EPHA5: variants seen among roughly 807,000 people sequenced by gnomAD.
EPHA5 encodes EPH receptor A5.
EPHA5 carries 60 observed loss-of-function variants against 105.0 expected under a neutral mutation model. That is an observed-to-expected ratio of 0.57 (90% CI 0.46 to 0.71). The LOEUF is 0.71. Among genes scored for constraint, EPHA5 ranks in the 30% least tolerant of loss-of-function variants. The pLI is 0.00. For missense variants in EPHA5, 1,218 were observed against 1,274.7 expected (o/e 0.96, Z 0.68); for synonymous variants, 513 against 449.1 (o/e 1.14, Z -1.80).
At chr4:65,340,523 C>G (rs1252343737) in intron 14 of EPHA5, among the ~76,000 whole-genome samples, 1 of 152,032 alleles carries the variant, frequency 6.6e-6, no homozygotes, top group Non-Finnish European at 1.5e-5. Flanking sequence ...GGAATTAGAT[C>G]AGACCACCAG....
chr4:65,535,391 C>G (rs1736194252), intron 3 of EPHA5, among the ~76,000 whole-genome samples: 1 of 152,044 alleles, frequency 6.6e-6, no homozygotes, highest in Non-Finnish European at 1.5e-5. Flanking sequence ...GGGTGACTGC[C>G]CGCACGTAGT....
At chr4:65,637,981 T>C (rs1313060650) in intron 2 of EPHA5, among the ~76,000 whole-genome samples, 1 of 152,070 alleles carries the variant, frequency 6.6e-6, no homozygotes, top group Non-Finnish European at 1.5e-5. Flanking sequence ...GTATGGTACA[T>C]GTATCTGATT....
chr4:65,394,916 C>G (rs756216179), intron 8 of EPHA5, among the ~76,000 whole-genome samples: 9 of 151,974 alleles, frequency 5.9e-5, no homozygotes, highest in Admixed American at 1.3e-4. Flanking sequence ...TAGCACCTAC[C>G]CTTCATGAAT....
At chr4:65,412,501 T>A (rs995527389) in intron 7 of EPHA5, among the ~76,000 whole-genome samples, 1 of 152,160 alleles carries the variant, frequency 6.6e-6, no homozygotes, top group Non-Finnish European at 1.5e-5. Flanking sequence ...ATACATTCAT[T>A]CTTTAAAAAG....
chr4:65,366,858 T>C (rs949044037), intron 9 of EPHA5, among the ~76,000 whole-genome samples: 2 of 151,926 alleles, frequency 1.3e-5, no homozygotes, highest in African/African-American at 4.8e-5. Flanking sequence ...AATTCTTTAT[T>C]AAAACATGAT....
intron 2 of EPHA5, among the ~76,000 whole-genome samples, chr4:65,615,303 C>T (rs1560776336): frequency 6.6e-6 from 1 of 151,648 alleles, no homozygotes; most frequent in Non-Finnish European, 1.5e-5. Flanking sequence ...ATACAAAATG[C>T]CTGCTGAAAC....
At chr4:65,411,624 C>T (rs17086208) in intron 7 of EPHA5, among the ~76,000 whole-genome samples, 5,400 of 151,616 alleles carry the variant, frequency 0.036, 325 homozygotes, top group African/African-American at 0.12. Flanking sequence ...GATAGCTTAA[C>T]GAGGAAAAAT....
chr4:65,631,060 AC>A (rs1291578782), intron 2 of EPHA5, among the ~76,000 whole-genome samples: 2 of 152,114 alleles, frequency 1.3e-5, no homozygotes, highest in African/African-American at 4.8e-5. Context: ...CCATCATTGT[AC>A]CCCTGCTCTT....
At chr4:65,499,168 T>G (rs771309817) in intron 3 of EPHA5, among the ~76,000 whole-genome samples, 1 of 151,686 alleles carries the variant, frequency 6.6e-6, no homozygotes, top group Non-Finnish European at 1.5e-5. Flanking sequence ...GGAAACTTTC[T>G]CATTTTCCTA....
chr4:65,396,858 G>T (rs1230368574), intron 8 of EPHA5, among the ~76,000 whole-genome samples: 1 of 152,144 alleles, frequency 6.6e-6, no homozygotes, highest in Admixed American at 6.5e-5. Context: ...GCACCAGATA[G>T]TACTTTAGAG....
intron 2 of EPHA5, among the ~76,000 whole-genome samples, chr4:65,622,928 T>C (rs992694614): frequency 6.6e-6 from 1 of 152,092 alleles, no homozygotes; most frequent in Non-Finnish European, 1.5e-5. Flanking sequence ...ATAAAGAGAC[T>C]CAGCAAGGCT....
chr4:65,367,316 C>G (rs770539581), intron 9 of EPHA5, 41 bp downstream of exon 9: 1 of 1,460,706 alleles, frequency 6.8e-7, no homozygotes, highest in Non-Finnish European at 9.5e-7. Context: ...AATAAAGTGT[C>G]CCCTATTTTA....
intron 5 of EPHA5, among the ~76,000 whole-genome samples, chr4:65,459,897 AAT>A (rs1271166982): frequency 6.6e-6 from 1 of 151,824 alleles, no homozygotes; most frequent in Non-Finnish European, 1.5e-5. Context: ...TTGATTATAA[AAT>A]ATTCAGTTAT....
At chr4:65,471,760 C>A (rs143573074) in intron 5 of EPHA5, among the ~76,000 whole-genome samples, 2 of 152,078 alleles carry the variant, frequency 1.3e-5, no homozygotes, top group East Asian at 1.9e-4. Flanking sequence ...GAGGAAACTG[C>A]CCCCATGATC....
intron 5 of EPHA5, among the ~76,000 whole-genome samples, chr4:65,444,858 T>C (rs888524024): frequency 6.6e-6 from 1 of 152,076 alleles, no homozygotes; most frequent in Non-Finnish European, 1.5e-5. Context: ...TAAATTCTTT[T>C]ATCCCTAGTC....
intron 3 of EPHA5, among the ~76,000 whole-genome samples, chr4:65,520,467 G>C (rs1324560878): frequency 6.6e-6 from 1 of 152,116 alleles, no homozygotes; most frequent in African/African-American, 2.4e-5. Flanking sequence ...ATGGTCATGG[G>C]CAAGGACTTC....
At chr4:65,513,791 T>A (rs930944239) in intron 3 of EPHA5, among the ~76,000 whole-genome samples, 2 of 152,200 alleles carry the variant, frequency 1.3e-5, no homozygotes, top group African/African-American at 4.8e-5. Flanking sequence ...AAAACGTCAA[T>A]ACTTGAAATT....
intron 2 of EPHA5, among the ~76,000 whole-genome samples, chr4:65,623,480 T>A (rs1745879633): frequency 6.6e-6 from 1 of 152,094 alleles, no homozygotes; most frequent in Admixed American, 6.6e-5. Context: ...TAATACACTA[T>A]CATAAGAAGT....
At chr4:65,578,192 A>G (rs1450335158) in intron 3 of EPHA5, among the ~76,000 whole-genome samples, 2 of 151,756 alleles carry the variant, frequency 1.3e-5, no homozygotes, top group Non-Finnish European at 2.9e-5. Context: ...CTCATCTAAC[A>G]CCCTCCCAAC....
Sources: allele counts gnomAD v4.1 joint callset (sites outside exome capture counted in the v4.1 genomes callset), GRCh38; gene constraint gnomAD v4.1.1; transcripts MANE v1.5; gene names NCBI Gene and HGNC (gene_info 2026-07-23, HGNC 2026-07-21).